Variants in PAG1 observed in about 807,000 individuals in gnomAD.
The protein encoded by PAG1 is phosphoprotein associated with glycosphingolipid-enriched microdomains 1.
Under a neutral mutation model 31.7 loss-of-function variants are expected in PAG1, and 23 were observed. The ratio of observed to expected loss-of-function variants is 0.73; its 90% CI spans 0.52 to 1.03. The LOEUF is 1.03. PAG1 is among the 50% of genes least tolerant of loss of function. PAG1 has a pLI of 0.00. For missense variants in PAG1, 473 were observed against 540.7 expected (o/e 0.87, Z 1.24); for synonymous variants, 214 against 210.3 (o/e 1.02, Z -0.15).
chr8:81,033,631 A>G (rs1016696182), intron 2 of PAG1, among the ~76,000 whole-genome samples: 1 of 152,226 alleles, frequency 6.6e-6, no homozygotes, highest in African/African-American at 2.4e-5. Flanking sequence ...TGGCTCTCTG[A>G]CAGTTTTCAT....
intron 2 of PAG1, among the ~76,000 whole-genome samples, chr8:81,069,758 C>T (rs1809064633): frequency 6.6e-6 from 1 of 152,216 alleles, no homozygotes. Context: ...ATTATTATCC[C>T]TGTCTCAAAG....
At position 80,976,456 on chromosome 8, in the gene PAG1, A is replaced by T. The variant is rs1807181150; in HGVS notation, c.*88T>A. The T allele has an allele frequency of 1.5e-6, 2 of 1,302,500 alleles. No homozygotes were observed. The allele number at this position is 1,302,500 out of a possible 1,614,324, so 80.7% of individuals were successfully genotyped here. ...TTCAGGTGACTAAAGCAGCATATGA[A>T]GTATAGGTTTGTGTCACTTCTTCTC... On this transcript the variant is annotated 3_prime_UTR_variant, in exon 9 of 9. Transcript: ENST00000220597.
At chr8:81,109,592 A>G (rs1809743393) in intron 1 of PAG1, among the ~76,000 whole-genome samples, 1 of 152,228 alleles carries the variant, frequency 6.6e-6, no homozygotes, top group Admixed American at 6.5e-5. Context: ...GTTAATATTC[A>G]TCAGCAGCAA....
intron 2 of PAG1, among the ~76,000 whole-genome samples, chr8:81,068,555 G>C (rs1231885308): frequency 1.3e-5 from 2 of 152,120 alleles, no homozygotes; most frequent in African/African-American, 4.8e-5. Context: ...CTTATATCTA[G>C]TCAGAAAAAA....
intron 2 of PAG1, among the ~76,000 whole-genome samples, chr8:81,041,028 G>GA (rs1336572914): frequency 5.9e-5 from 9 of 152,210 alleles, no homozygotes; most frequent in African/African-American, 2.2e-4. Flanking sequence ...TCTTTGCATG[G>GA]AAAACTGAAG....
At chr8:80,997,386 G>A (rs546308527) in intron 3 of PAG1, among the ~76,000 whole-genome samples, 8 of 152,132 alleles carry the variant, frequency 5.3e-5, no homozygotes, top group African/African-American at 1.7e-4. Context: ...TGCTCCCACC[G>A]CTGCCTCTTG....
rs951026630 is a variant in PAG1 at position 81,111,085 on chromosome 8, T to C, written c.-234+506A>G. On this transcript the variant is annotated intron_variant, in intron 1 of 8. Transcript: ENST00000220597. ...TAGGGCATAAAACACCGGGTCGACA[T>C]ATAAGTTGTTTTTTCCCTAAAGGAC... Among the ~76,000 whole-genome samples, 3 of 152,338 alleles carry C rather than the reference T, an allele frequency of 2.0e-5. 1 individual carries two copies. Among genetic ancestry groups the C allele is most frequent in the Admixed American group, 6.5e-5 (1 of 15,310 alleles).
chr8:80,991,274 C>T (rs1807540901), intron 5 of PAG1, among the ~76,000 whole-genome samples: 1 of 152,114 alleles, frequency 6.6e-6, no homozygotes, highest in African/African-American at 2.4e-5. Context: ...CAAAAAAGTC[C>T]CATCCCTGCA....
intron 2 of PAG1, among the ~76,000 whole-genome samples, chr8:81,044,192 C>T (rs1398067765): frequency 6.6e-6 from 1 of 152,192 alleles, no homozygotes; most frequent in Non-Finnish European, 1.5e-5. Context: ...ATTTTGTCCC[C>T]TAAAAATGTT....
At chr8:81,070,663 A>T (rs1235689831) in intron 1 of PAG1, among the ~76,000 whole-genome samples, 1 of 152,110 alleles carries the variant, frequency 6.6e-6, no homozygotes, top group Non-Finnish European at 1.5e-5. Context: ...AGCACAAAAA[A>T]AAAAAGGTGA....
chr8:81,085,681 GAC>G (rs1809339762), intron 1 of PAG1, among the ~76,000 whole-genome samples: 1 of 152,212 alleles, frequency 6.6e-6, no homozygotes, highest in African/African-American at 2.4e-5. Context: ...AAGGACACAT[GAC>G]ACATCCTTAC....
chr8:81,037,896 T>C (rs1488551575), intron 2 of PAG1, among the ~76,000 whole-genome samples: 1 of 152,254 alleles, frequency 6.6e-6, no homozygotes. Context: ...GAACTTTCTT[T>C]TGGACTGGGA....
At chr8:81,006,918 GC>G (rs1427593400) in intron 3 of PAG1, among the ~76,000 whole-genome samples, 25 of 152,112 alleles carry the variant, frequency 1.6e-4, no homozygotes, top group African/African-American at 5.1e-4. Context: ...TGAGTTCAAA[GC>G]CCTTTGTATG....
chr8:81,003,907 A>C (rs1807830118), intron 3 of PAG1, among the ~76,000 whole-genome samples: 1 of 152,184 alleles, frequency 6.6e-6, no homozygotes, highest in South Asian at 2.1e-4. Flanking sequence ...GGTGGATGTC[A>C]GGAAGAGAAG....
chr8:81,038,621 T>C (rs1262508215), intron 2 of PAG1, among the ~76,000 whole-genome samples: 2 of 152,174 alleles, frequency 1.3e-5, no homozygotes, highest in African/African-American at 4.8e-5. Context: ...TCTTCCTTGC[T>C]CCTTCACACT....
chr8:81,103,308 T>G (rs1172799193), intron 1 of PAG1, among the ~76,000 whole-genome samples: 2 of 152,142 alleles, frequency 1.3e-5, no homozygotes, highest in Admixed American at 1.3e-4. Flanking sequence ...CTCTTAAACA[T>G]AACACCCCCT....
chr8:80,993,084 T>A lies in PAG1; in HGVS notation c.125+19A>T. The A allele has an allele frequency of 1.9e-6, 3 of 1,610,484 alleles. No individual in the cohort carries two copies. In the South Asian group the frequency reaches 3.3e-5, roughly 18 times the overall value. On this transcript the variant is annotated intron_variant, in intron 4 of 8. Coordinates refer to ENST00000220597, the MANE Select transcript of PAG1 (RefSeq NM_018440.4). ...GATGTATTAGTTTAAGGCACAGGTA[T>A]ATACACTCTGGTTCTCACCTGTCAC...
intron 2 of PAG1, among the ~76,000 whole-genome samples, chr8:81,035,860 CAT>C (rs1413138664): frequency 3.3e-5 from 5 of 151,768 alleles, no homozygotes; most frequent in Non-Finnish European, 7.4e-5. Flanking sequence ...CCCTGACACA[CAT>C]ACACACATAT....
At chr8:81,039,396 G>A (rs1324860585) in intron 2 of PAG1, 7 of 152,256 alleles carry the variant, frequency 4.6e-5, no homozygotes, top group African/African-American at 1.7e-4. Flanking sequence ...CACACAGGGA[G>A]AATCTCATGT....
Sources: gnomAD v4.1 joint callset for allele counts (sites outside exome capture counted in the v4.1 genomes callset) on GRCh38, gnomAD v4.1.1 for gene constraint, MANE v1.5 for transcripts, NCBI Gene and HGNC (gene_info 2026-07-23, HGNC 2026-07-21) for gene names.